Variants in FYB1 observed in about 807,000 individuals in gnomAD.
FYB1 encodes FYN-binding protein 1.
A neutral mutation model predicts 94.1 loss-of-function variants in FYB1; 41 were observed. The observed-to-expected ratio is 0.44, with a 90% CI of 0.34 to 0.57. The LOEUF is 0.57. Among genes scored for constraint, FYB1 ranks in the 20% least tolerant of loss-of-function variants. FYB1 has a pLI of 0.02. For synonymous variants in FYB1, 367 were observed against 353.2 expected (o/e 1.04, Z -0.44); for missense variants, 1,050 against 976.8 (o/e 1.07, Z -1.00).
At chr5:39,144,298 A>C (rs75534619) in intron 3 of FYB1, among the ~76,000 whole-genome samples, 7,187 of 152,256 alleles carry the variant, frequency 0.047, 604 homozygotes, top group African/African-American at 0.16. Context: ...ACCAAAAAAT[A>C]AAAGAACTAC....
chr5:39,246,275 C>T (rs143015641), intron 1 of FYB1, among the ~76,000 whole-genome samples: 1 of 152,228 alleles, frequency 6.6e-6, no homozygotes, highest in African/African-American at 2.4e-5. Context: ...CATCTGTCCA[C>T]TAACCCATAA....
At chr5:39,205,112 A>T (rs984205627) in intron 1 of FYB1, among the ~76,000 whole-genome samples, 1 of 152,168 alleles carries the variant, frequency 6.6e-6, no homozygotes, top group African/African-American at 2.4e-5. Context: ...TAATTATGGC[A>T]GTACCAAGAA....
chr5:39,115,955 ACT>A (rs940132633), intron 16 of FYB1, among the ~76,000 whole-genome samples: 2 of 152,098 alleles, frequency 1.3e-5, no homozygotes, highest in African/African-American at 4.8e-5. Context: ...GGCTTCTGGA[ACT>A]CTGTCAGCTT....
At chr5:39,260,312 C>T (rs1325539369) in intron 1 of FYB1, among the ~76,000 whole-genome samples, 1 of 152,124 alleles carries the variant, frequency 6.6e-6, no homozygotes, top group Admixed American at 6.5e-5. Context: ...TGGAGCACAG[C>T]CACACCCATT....
upstream of FYB1, among the ~76,000 whole-genome samples, chr5:39,221,378 G>A (rs1750253557): frequency 6.6e-6 from 1 of 152,220 alleles, no homozygotes; most frequent in South Asian, 2.1e-4. Context: ...AAGGGAACAG[G>A]AGGACAGACA....
chr5:39,113,919 G>A (rs1363301072), intron 16 of FYB1, among the ~76,000 whole-genome samples: 3 of 151,746 alleles, frequency 2.0e-5, no homozygotes, highest in African/African-American at 4.8e-5. Context: ...TTATAAAAAC[G>A]TTCACTCTTC....
intron 18 of FYB1, 148 bp downstream of exon 18, chr5:39,108,083 G>A (rs963817368): frequency 3.0e-6 from 2 of 670,278 alleles, no homozygotes; most frequent in Non-Finnish European, 4.8e-6. Flanking sequence ...CCCCCATTAT[G>A]CCAGGGCATT....
chr5:39,216,846 G>C (rs1161992543), intron 1 of FYB1, among the ~76,000 whole-genome samples: 1 of 152,206 alleles, frequency 6.6e-6, no homozygotes, highest in Admixed American at 6.5e-5. Flanking sequence ...CCACTGCTCT[G>C]ACCAACTCAC....
chr5:39,130,644 T>C (rs1481403810), intron 9 of FYB1, 32 bp from the exon 10 acceptor site: 1 of 1,529,002 alleles, frequency 6.5e-7, no homozygotes. Context: ...ATTAAGTTAA[T>C]CTATGAATTA....
At chr5:39,163,106 A>G (rs920504452) in intron 2 of FYB1, among the ~76,000 whole-genome samples, 18 of 152,202 alleles carry the variant, frequency 1.2e-4, no homozygotes, top group Non-Finnish European at 2.1e-4. Flanking sequence ...TTCAAGTCTA[A>G]GGACTTGAAA....
intron 2 of FYB1, among the ~76,000 whole-genome samples, chr5:39,183,432 C>G (rs1480198964): frequency 6.6e-6 from 1 of 152,144 alleles, no homozygotes; most frequent in Non-Finnish European, 1.5e-5. Context: ...TAGAGAAGCA[C>G]TGGGTAGAGT....
At chr5:39,231,163 A>AAAAAAAAAAAAAAAAAAAAAAAAAAAC (rs1561294075) in intron 1 of FYB1, among the ~76,000 whole-genome samples, 1 of 118,958 alleles carries the variant, frequency 8.4e-6, no homozygotes, top group Non-Finnish European at 1.6e-5. Flanking sequence ...AAAAAAAAAC[A>AAAAAAAAAAAAAAAAAAAAAAAAAAAC]AAAAAAAACA....
At chr5:39,249,868 C>T (rs1394484588) in intron 1 of FYB1, among the ~76,000 whole-genome samples, 1 of 152,108 alleles carries the variant, frequency 6.6e-6, no homozygotes, top group Non-Finnish European at 1.5e-5. Flanking sequence ...CTCTGTGTCC[C>T]CACCCAAATC....
upstream of FYB1, among the ~76,000 whole-genome samples, chr5:39,222,409 T>A (rs1750306903): frequency 6.6e-6 from 1 of 152,240 alleles, no homozygotes; most frequent in Non-Finnish European, 1.5e-5. Flanking sequence ...GCTTCCTGGT[T>A]TGTGGGACTC....
chr5:39,266,260 ATAAGGATGTAGGGGAACACC>A (rs1377261335), intron 1 of FYB1, among the ~76,000 whole-genome samples: 3 of 152,174 alleles, frequency 2.0e-5, no homozygotes, highest in African/African-American at 7.2e-5. Flanking sequence ...CACACTATGA[ATAAGGATGTAGGGGAACACC>A]TAAGCCAACT....
At chr5:39,271,032 T>C (rs954795737) in intron 1 of FYB1, among the ~76,000 whole-genome samples, 2 of 152,048 alleles carry the variant, frequency 1.3e-5, no homozygotes, top group Non-Finnish European at 2.9e-5. Context: ...TTATAAATAA[T>C]TCTTTTTTTG....
At chr5:39,151,589 C>T (rs558678039) in intron 3 of FYB1, among the ~76,000 whole-genome samples, 7 of 152,292 alleles carry the variant, frequency 4.6e-5, no homozygotes, top group African/African-American at 1.7e-4. Flanking sequence ...CATGCCCAGC[C>T]CTGTTTATTA....
intron 1 of FYB1, among the ~76,000 whole-genome samples, chr5:39,247,562 T>G (rs984902893): frequency 2.0e-5 from 3 of 152,100 alleles, no homozygotes; most frequent in African/African-American, 7.2e-5. Flanking sequence ...GACTATAATT[T>G]AAAAAGAAAA....
chr5:39,167,314 AT>A (rs1012127257), intron 2 of FYB1, among the ~76,000 whole-genome samples: 9 of 151,600 alleles, frequency 5.9e-5, no homozygotes, highest in Non-Finnish European at 1.2e-4. Flanking sequence ...GTTTTAAGTT[AT>A]TTTTTATTAC....
Sources: allele counts gnomAD v4.1 joint callset (sites outside exome capture counted in the v4.1 genomes callset), GRCh38; gene constraint gnomAD v4.1.1; transcripts MANE v1.5; gene names NCBI Gene and HGNC (gene_info 2026-07-23, HGNC 2026-07-21).